The following NPAS3 variants were observed in gnomAD, a reference collection of about 807,000 sequenced individuals.
NPAS3 encodes the protein neuronal PAS domain protein 3.
Under a neutral mutation model 73.1 loss-of-function variants are expected in NPAS3, and 14 were observed. That is an observed-to-expected ratio of 0.19 (90% CI 0.13 to 0.30). The LOEUF (loss-of-function observed/expected upper bound fraction) is 0.30. Among genes scored for constraint, NPAS3 ranks in the 10% least tolerant of loss-of-function variants. The pLI is 1.00. For missense variants in NPAS3, 1,096 were observed against 1,250.0 expected (o/e 0.88, Z 1.86); for synonymous variants, 620 against 541.5 (o/e 1.14, Z -2.01).
chr14:33,691,859 G>A (rs1330505600), intron 6 of NPAS3, among the ~76,000 whole-genome samples: 3 of 152,148 alleles, frequency 2.0e-5, no homozygotes, highest in Non-Finnish European at 4.4e-5. Flanking sequence ...AGAGCATTCA[G>A]CAAATAGCTA....
chr14:33,149,991 G>A (rs1338318030), intron 2 of NPAS3, among the ~76,000 whole-genome samples: 1 of 152,090 alleles, frequency 6.6e-6, no homozygotes, highest in Non-Finnish European at 1.5e-5. Flanking sequence ...GTGTCCATGT[G>A]TGTTTTCATT....
chr14:33,582,970 G>GC (rs552590374), intron 5 of NPAS3, among the ~76,000 whole-genome samples: 1 of 93,304 alleles, frequency 1.1e-5, no homozygotes. Flanking sequence ...TATTTAAAGG[G>GC]TTTTTTTTTT....
intron 3 of NPAS3, among the ~76,000 whole-genome samples, chr14:33,273,566 T>C (rs895136645): frequency 1.3e-5 from 2 of 152,216 alleles, no homozygotes. Flanking sequence ...CTGGCCCTTC[T>C]AAGAGATACT....
intron 1 of NPAS3, among the ~76,000 whole-genome samples, chr14:32,990,876 A>G (rs2038303593): frequency 6.6e-6 from 1 of 151,308 alleles, no homozygotes; most frequent in Non-Finnish European, 1.5e-5. Context: ...GCAGTGAGCT[A>G]TGATCATGCC....
chr14:33,734,792 C>T (rs942132197), intron 6 of NPAS3, among the ~76,000 whole-genome samples: 2 of 152,120 alleles, frequency 1.3e-5, no homozygotes, highest in African/African-American at 2.4e-5. Context: ...AATGGATTAT[C>T]GGGGAGAACA....
intron 2 of NPAS3, among the ~76,000 whole-genome samples, chr14:33,170,906 A>C (rs1312645676): frequency 6.6e-6 from 1 of 152,186 alleles, no homozygotes; most frequent in East Asian, 1.9e-4. Context: ...TGATATTTTC[A>C]CCTTCTCCCA....
intron 5 of NPAS3, among the ~76,000 whole-genome samples, chr14:33,572,306 T>G (rs1595180657): frequency 6.6e-6 from 1 of 152,122 alleles, no homozygotes; most frequent in Admixed American, 6.5e-5. Context: ...TTTTAAAAAT[T>G]TAAAAGGCTT....
At chr14:33,311,400 A>G (rs1379323200) in intron 3 of NPAS3, among the ~76,000 whole-genome samples, 2 of 152,122 alleles carry the variant, frequency 1.3e-5, no homozygotes, top group African/African-American at 4.8e-5. Context: ...GGTCATAAGT[A>G]TTATGTTCTC....
intron 2 of NPAS3, among the ~76,000 whole-genome samples, chr14:33,077,561 A>G (rs2041701706): frequency 6.6e-6 from 1 of 152,156 alleles, no homozygotes; most frequent in African/African-American, 2.4e-5. Flanking sequence ...TAAATACTCC[A>G]AATTGCACCG....
At chr14:33,019,656 C>T (rs181661714) in intron 1 of NPAS3, among the ~76,000 whole-genome samples, 5 of 152,276 alleles carry the variant, frequency 3.3e-5, no homozygotes, top group Non-Finnish European at 7.4e-5. Context: ...CATTATGACT[C>T]TGATGTACTG....
At chr14:33,307,820 A>G (rs2042819343) in intron 3 of NPAS3, among the ~76,000 whole-genome samples, 1 of 152,046 alleles carries the variant, frequency 6.6e-6, no homozygotes, top group Non-Finnish European at 1.5e-5. Context: ...TTAGTCCCTA[A>G]TTACTCTCAG....
intron 5 of NPAS3, among the ~76,000 whole-genome samples, chr14:33,622,377 C>G (rs118027444): frequency 0.067 from 10,259 of 152,066 alleles, 453 homozygotes; most frequent in South Asian, 0.13. Context: ...CAGCTTTCTA[C>G]TGTGCCAACA....
At chr14:33,674,176 T>G (rs2059689084) in intron 5 of NPAS3, among the ~76,000 whole-genome samples, 1 of 152,168 alleles carries the variant, frequency 6.6e-6, no homozygotes, top group South Asian at 2.1e-4. Flanking sequence ...AGTGGCCTAT[T>G]TCTGCTCTCT....
intron 6 of NPAS3, among the ~76,000 whole-genome samples, chr14:33,732,931 G>A (rs1394166377): frequency 1.3e-5 from 2 of 152,274 alleles, no homozygotes; most frequent in African/African-American, 4.8e-5. Flanking sequence ...CCCTCTAAGT[G>A]TTTTACTGTG....
chr14:33,434,333 C>T (rs1344325005), intron 4 of NPAS3, among the ~76,000 whole-genome samples: 1 of 152,058 alleles, frequency 6.6e-6, no homozygotes, highest in Non-Finnish European at 1.5e-5. Flanking sequence ...TTGAGACCAG[C>T]CTGGGCAATA....
intron 4 of NPAS3, among the ~76,000 whole-genome samples, chr14:33,517,155 A>G (rs2053341115): frequency 1.3e-5 from 2 of 152,110 alleles, no homozygotes; most frequent in South Asian, 4.1e-4. Context: ...GTAAACAAAC[A>G]CACTAATGTT....
chr14:33,385,283 TGTGGAGAA>T (rs1161994186), intron 4 of NPAS3, among the ~76,000 whole-genome samples: 4 of 152,168 alleles, frequency 2.6e-5, no homozygotes, highest in Non-Finnish European at 5.9e-5. Flanking sequence ...GTTCTCGTGC[TGTGGAGAA>T]ACTGCCACAG....
chr14:33,649,131 G>A (rs1396309567), intron 5 of NPAS3, among the ~76,000 whole-genome samples: 2 of 152,122 alleles, frequency 1.3e-5, no homozygotes, highest in Non-Finnish European at 2.9e-5. Flanking sequence ...TGCCCTATAG[G>A]TTATGTATTC....
chr14:33,111,095 T>A (rs574124551), intron 2 of NPAS3, among the ~76,000 whole-genome samples: 2 of 152,308 alleles, frequency 1.3e-5, no homozygotes, highest in African/African-American at 4.8e-5. Flanking sequence ...CTGGAAAAAC[T>A]GCAAACTGAA....
Sources: gnomAD v4.1 joint callset for allele counts (sites outside exome capture counted in the v4.1 genomes callset) on GRCh38, gnomAD v4.1.1 for gene constraint, MANE v1.5 for transcripts, NCBI Gene and HGNC (gene_info 2026-07-23, HGNC 2026-07-21) for gene names.